Variants in CACNA1D observed in about 807,000 individuals in gnomAD.
CACNA1D encodes calcium voltage-gated channel subunit alpha1 D.
CACNA1D carries 55 observed loss-of-function variants against 257.1 expected under a neutral mutation model. That is an observed-to-expected ratio of 0.21 (90% confidence interval 0.17 to 0.27). The LOEUF (loss-of-function observed/expected upper bound fraction) is 0.27. Ranked by LOEUF, CACNA1D falls within the 10% of genes least tolerant of loss-of-function variation. CACNA1D has a pLI of 1.00. For synonymous variants in CACNA1D, 980 were observed against 1,014.9 expected, an observed-to-expected ratio of 0.97 and a Z score of 0.65; for missense variants, 1,876 against 2,784.0, an observed-to-expected ratio of 0.67 and a Z score of 7.34.
chr3:53,683,813 T>A (rs1191402636), intron 8 of CACNA1D, among the ~76,000 whole-genome samples: 1 of 152,198 alleles, frequency 6.6e-6, no homozygotes, highest in Non-Finnish European at 1.5e-5. Context: ...ATAAGCAATC[T>A]GGTGTATATG....
chr3:53,753,412 A>G (rs2095242082), intron 28 of CACNA1D, among the ~76,000 whole-genome samples, 160 bp from the exon 29 acceptor site: 1 of 152,158 alleles, frequency 6.6e-6, no homozygotes, highest in Admixed American at 6.5e-5. Flanking sequence ...ACTTTGTGGG[A>G]GTTCACCACA....
Position 53,718,294 on chromosome 3 carries a change from C to A in CACNA1D, c.1391-7C>A, listed in dbSNP as rs1039622476. The A allele has an allele frequency of 4.3e-6, 7 of 1,613,454 alleles. No individual in the cohort carries two copies. In the Admixed American group the frequency reaches 1.2e-4, roughly 27 times the overall value. ...CATGCTCTCTGAAGCCCGTCTTCTCCCCACAGCTAGCATGCCCACCAGCGA... is the reference window on the plus strand; with the variant it reads ...CATGCTCTCTGAAGCCCGTCTTCTCACCACAGCTAGCATGCCCACCAGCGA... On this transcript the variant is annotated splice_polypyrimidine_tract_variant and splice_region_variant and intron_variant, in intron 9 of 47. Coordinates refer to ENST00000350061, the MANE Select transcript of CACNA1D (RefSeq NM_001128840.3).
At chr3:53,734,375 T>C (rs1165290284) in intron 19 of CACNA1D, among the ~76,000 whole-genome samples, 1 of 152,066 alleles carries the variant, frequency 6.6e-6, no homozygotes, top group Admixed American at 6.6e-5. Context: ...ATATTTTAGA[T>C]ATACATATAT....
intron 9 of CACNA1D, among the ~76,000 whole-genome samples, chr3:53,714,029 G>A (rs2094792011): frequency 6.6e-6 from 1 of 152,208 alleles, no homozygotes; most frequent in Non-Finnish European, 1.5e-5. Flanking sequence ...CAGGCAAATT[G>A]CAGTGCCAGC....
At chr3:53,709,871 A>T (rs2094731711) in intron 9 of CACNA1D, among the ~76,000 whole-genome samples, 2 of 152,170 alleles carry the variant, frequency 1.3e-5, no homozygotes, top group Non-Finnish European at 2.9e-5. Context: ...TCCAATTATT[A>T]TTGACATCTT....
intron 3 of CACNA1D, among the ~76,000 whole-genome samples, chr3:53,642,683 C>T (rs924364233): frequency 6.6e-6 from 1 of 152,250 alleles, no homozygotes; most frequent in Non-Finnish European, 1.5e-5. Context: ...AAGCTGGGCT[C>T]CGTAGAGTGG....
chr3:53,728,253 C>T (rs139930983), intron 15 of CACNA1D, among the ~76,000 whole-genome samples: 2,874 of 152,316 alleles, frequency 0.019, 83 homozygotes, highest in African/African-American at 0.066. Context: ...ATTCTCCTGC[C>T]TCAGCCTCCT....
Position 53,800,621 on chromosome 3 carries a change from A to G in CACNA1D, c.5040+256A>G. ...GCCTGCTTCTGAGGAGCTCGGCCAC[A>G]GCCGCTGGCCCTGTGGATGAGCATC... On this transcript the variant is annotated intron_variant, in intron 41 of 47. Transcript: ENST00000350061. This position sits in a 1 kb window ranked among gnomAD's most constrained non-coding sequence, Gnocchi z 4.3. The G allele has an allele frequency of 1.8e-6, 1 of 545,348 alleles. No homozygotes were observed. Among genetic ancestry groups the G allele is most frequent in the South Asian group, 1.9e-5 (1 of 52,042 alleles). 33.8% of individuals were successfully genotyped at this position (545,348 alleles called of 1,614,324 possible). A position where few individuals can be genotyped will look rare whatever the true frequency, so the allele number is the denominator to read the frequency against.
chr3:53,718,267 C>A, intron 9 of CACNA1D, 34 bp from the exon 10 acceptor site: 1 of 1,581,548 alleles, frequency 6.3e-7, no homozygotes, highest in Non-Finnish European at 8.7e-7. Context: ...CAGTGTGCCC[C>A]GCATGCTCTC....
chr3:53,576,223 A>G (rs2093035687), intron 3 of CACNA1D, among the ~76,000 whole-genome samples: 1 of 152,188 alleles, frequency 6.6e-6, no homozygotes, highest in South Asian at 2.1e-4. Context: ...ACGAAGTTGA[A>G]AGATGCCTCT....
intron 28 of CACNA1D, among the ~76,000 whole-genome samples, chr3:53,752,792 C>A (rs2095237503): frequency 6.6e-6 from 1 of 152,206 alleles, no homozygotes; most frequent in Non-Finnish European, 1.5e-5. Flanking sequence ...TGGCTCTCAG[C>A]ATGGCAGTAG....
chr3:53,563,978 T>G (rs542938208), intron 3 of CACNA1D, among the ~76,000 whole-genome samples: 1 of 152,326 alleles, frequency 6.6e-6, no homozygotes, highest in South Asian at 2.1e-4. Flanking sequence ...TTATATAAAT[T>G]TATACTCCCT....
intron 8 of CACNA1D, among the ~76,000 whole-genome samples, chr3:53,680,840 T>C (rs1173039395): frequency 6.6e-6 from 1 of 152,254 alleles, no homozygotes; most frequent in African/African-American, 2.4e-5. Flanking sequence ...TTTTGTGTAA[T>C]ATTCTTTTAC....
chr3:53,496,683 G>GA (rs1324364244), intron 1 of CACNA1D, among the ~76,000 whole-genome samples: 2 of 152,224 alleles, frequency 1.3e-5, no homozygotes, highest in African/African-American at 4.8e-5. Context: ...GTAACACTCT[G>GA]AAAATGATTA....
intron 3 of CACNA1D, among the ~76,000 whole-genome samples, chr3:53,518,483 G>C (rs1193065957): frequency 6.6e-6 from 1 of 152,188 alleles, no homozygotes; most frequent in African/African-American, 2.4e-5. Flanking sequence ...TGCAGGAACA[G>C]AGTGCTGGAG....
intron 30 of CACNA1D, chr3:53,765,404 C>A (rs1268961495): frequency 1.3e-5 from 2 of 152,632 alleles, no homozygotes; most frequent in Non-Finnish European, 2.9e-5. Flanking sequence ...CTCTGTTGAT[C>A]TTTCTTTTCT....
chr3:53,600,374 G>C (rs1022733975), intron 3 of CACNA1D, among the ~76,000 whole-genome samples: 5 of 152,180 alleles, frequency 3.3e-5, no homozygotes, highest in Non-Finnish European at 7.3e-5. Flanking sequence ...AAACCTTGCT[G>C]ATCTGGTATT....
rs112018555 is a variant in CACNA1D at position 53,633,005 on chromosome 3, T to C, written c.484-17774T>C. 1.2e-4 allele frequency among the ~76,000 whole-genome samples: 19 copies of C among 152,322 alleles called. 1 individual carries two copies. Among genetic ancestry groups the C allele is most frequent in the African/African-American group, 4.6e-4 (19 of 41,578 alleles). ...TTAACTGCTGGAAAAATGGTACCAA[T>C]AGACCCGCTTGTTGCAGCATTGCCA... On this transcript the variant is annotated intron_variant, in intron 3 of 47. Transcript: ENST00000350061.
At chr3:53,709,927 C>G (rs1262132235) in intron 9 of CACNA1D, among the ~76,000 whole-genome samples, 4 of 152,228 alleles carry the variant, frequency 2.6e-5, no homozygotes, top group Non-Finnish European at 5.9e-5. Flanking sequence ...GGTAACCTGT[C>G]CACAGTCTTC....
Sources: gnomAD v4.1 joint callset for allele counts (sites outside exome capture counted in the v4.1 genomes callset) on GRCh38, gnomAD v4.1.1 for gene constraint, Gnocchi (gnomAD v3.1) non-coding constraint, MANE v1.5 for transcripts, NCBI Gene and HGNC (gene_info 2026-07-23, HGNC 2026-07-21) for gene names.